Variants in RHCE observed in about 807,000 individuals in gnomAD.
RHCE encodes the protein Rh blood group CcEe antigens.
RHCE carries 22 observed loss-of-function variants against 43.8 expected under a neutral mutation model. The ratio of observed to expected loss-of-function variants is 0.50; its 90% CI spans 0.36 to 0.72. RHCE has a LOEUF of 0.72. RHCE is among the 30% of genes least tolerant of loss of function. The pLI is 0.00. For synonymous variants in RHCE, 156 were observed against 210.7 expected, an observed-to-expected ratio of 0.74 and a Z score of 2.25; for missense variants, 385 against 525.4, an observed-to-expected ratio of 0.73 and a Z score of 2.61.
intron 1 of RHCE, among the ~76,000 whole-genome samples, chr1:25,417,049 C>A (rs1571924869): frequency 1.3e-5 from 2 of 151,718 alleles, no homozygotes; most frequent in Non-Finnish European, 2.9e-5. Context: ...TTTCTATAAT[C>A]CTTCTCTACT....
chr1:25,410,398 T>G (rs1647035490), intron 1 of RHCE, among the ~76,000 whole-genome samples: 1 of 152,118 alleles, frequency 6.6e-6, no homozygotes, highest in South Asian at 2.1e-4. Context: ...ACTTTTTTAG[T>G]TTTAGTGTTT....
At chr1:25,386,303 T>C (rs1304943165) in intron 6 of RHCE, among the ~76,000 whole-genome samples, 1 of 152,158 alleles carries the variant, frequency 6.6e-6, no homozygotes, top group Non-Finnish European at 1.5e-5. Context: ...AGATGTCCCC[T>C]GGGGGGTGAC....
At chr1:25,386,578 T>C (rs1160394483) in intron 6 of RHCE, among the ~76,000 whole-genome samples, 1 of 152,172 alleles carries the variant, frequency 6.6e-6, no homozygotes, top group Non-Finnish European at 1.5e-5. Flanking sequence ...CCCAGCACTT[T>C]GGGAGGCCAA....
chr1:25,391,229 G>C (rs1197224864), intron 4 of RHCE, among the ~76,000 whole-genome samples: 2 of 151,940 alleles, frequency 1.3e-5, no homozygotes, highest in Non-Finnish European at 2.9e-5. Flanking sequence ...CTGTTGCCCA[G>C]GCTGGAGTGC....
upstream of RHCE, among the ~76,000 whole-genome samples, chr1:25,424,052 G>A (rs569921854): frequency 6.6e-6 from 1 of 152,146 alleles, no homozygotes; most frequent in South Asian, 2.1e-4. Context: ...CCACCACTCC[G>A]TCTTTCACTT....
chr1:25,399,047 A>G (rs1288051554), intron 3 of RHCE: 1 of 1,602,220 alleles, frequency 6.2e-7, no homozygotes. Flanking sequence ...GCCTTGGACA[A>G]GTTGTTACTG....
chr1:25,373,961 C>T (rs1233924363), intron 8 of RHCE, among the ~76,000 whole-genome samples: 3 of 151,176 alleles, frequency 2.0e-5, no homozygotes, highest in African/African-American at 2.5e-5. Context: ...GCTGGGACTA[C>T]AGGCACACAC....
chr1:25,389,321 G>A (rs572644174), intron 5 of RHCE, among the ~76,000 whole-genome samples: 13 of 152,096 alleles, frequency 8.5e-5, no homozygotes, highest in East Asian at 3.9e-4. Context: ...TTAGGCTCAG[G>A]GCACAGTTAC....
Position 25,369,478 on chromosome 1 carries a change from G to T in RHCE, c.1227+989C>A, listed in dbSNP as rs778230141. On this transcript the variant is annotated intron_variant, in intron 9 of 9. Transcript: ENST00000294413. Reference sequence around the variant, plus strand: ...GAGTGCTGCGTGAACTATGAGTGTAGGTCAAAGGGAGGAGAGTGGGAGGGG... The same window carrying T: ...GAGTGCTGCGTGAACTATGAGTGTATGTCAAAGGGAGGAGAGTGGGAGGGG... Among the ~76,000 whole-genome samples the T allele has an allele frequency of 8.6e-5, 13 of 151,614 alleles. 3 individuals are homozygous for T. Among genetic ancestry groups the T allele is most frequent in the African/African-American group, 3.2e-4 (13 of 40,984 alleles).
At chr1:25,404,286 A>C (rs1280215999) in intron 2 of RHCE, among the ~76,000 whole-genome samples, 3 of 150,170 alleles carry the variant, frequency 2.0e-5, no homozygotes, top group South Asian at 2.1e-4. Flanking sequence ...GGAAACAGTC[A>C]TGCCAGCTGA....
intron 1 of RHCE, among the ~76,000 whole-genome samples, chr1:25,414,165 A>AG (rs1647205794): frequency 6.6e-6 from 1 of 151,196 alleles, no homozygotes; most frequent in African/African-American, 2.4e-5. Context: ...GCTCTCCCCC[A>AG]GGCCTGTTGC....
intron 7 of RHCE, among the ~76,000 whole-genome samples, chr1:25,376,095 CCA>C (rs779068537): frequency 6.6e-6 from 1 of 151,912 alleles, no homozygotes; most frequent in Non-Finnish European, 1.5e-5. Context: ...CTGGCCAGCC[CCA>C]GTTTTCTCGT....
At chr1:25,420,567 G>A (rs1187865718) in intron 1 of RHCE, 72 bp downstream of exon 1, 7 of 1,613,572 alleles carry the variant, frequency 4.3e-6, no homozygotes, top group African/African-American at 1.3e-5. Context: ...TGTGCCCCTG[G>A]AGAACCATAG....
At chr1:25,373,090 C>A (rs1167366887) in intron 8 of RHCE, among the ~76,000 whole-genome samples, 1 of 151,552 alleles carries the variant, frequency 6.6e-6, no homozygotes, top group Non-Finnish European at 1.5e-5. Context: ...TATGAGCCAC[C>A]CAAGTTGTTT....
chr1:25,382,500 T>C (rs1028459288), intron 7 of RHCE, among the ~76,000 whole-genome samples: 1 of 149,312 alleles, frequency 6.7e-6, no homozygotes, highest in East Asian at 1.9e-4. Context: ...AACCCAAACC[T>C]GCTGACTGCC....
rs569919134 is a variant in RHCE, at chr1:25,385,127, C to T, written c.1073+584G>A. Reference sequence around the variant, plus strand: ...CCATTGCTGTCCACTGTCTAGGGGCCACAGGACCTACCTCTGGTCTGGAGG... The same window carrying T: ...CCATTGCTGTCCACTGTCTAGGGGCTACAGGACCTACCTCTGGTCTGGAGG... On this transcript the variant is annotated intron_variant, in intron 7 of 9. Transcript: ENST00000294413. 5.9e-5 allele frequency among the ~76,000 whole-genome samples: 9 copies of T among 152,308 alleles called. No homozygotes were observed. The South Asian group carries it at 1.9e-3, about 32-fold the overall frequency.
intron 3 of RHCE, among the ~76,000 whole-genome samples, chr1:25,394,037 G>A (rs1166621478): frequency 8.5e-5 from 13 of 152,248 alleles, no homozygotes; most frequent in East Asian, 1.9e-4. Context: ...TCGCCAGGCT[G>A]GAGTGCAGTG....
chr1:25,425,791 G>A (rs72660931), upstream of RHCE, among the ~76,000 whole-genome samples: 10,051 of 152,216 alleles, frequency 0.066, 472 homozygotes, highest in Non-Finnish European at 0.1. Context: ...CCTCCTACCT[G>A]AGTCAAGCTC....
chr1:25,413,702 G>A (rs552662084), intron 1 of RHCE, among the ~76,000 whole-genome samples: 2 of 151,924 alleles, frequency 1.3e-5, no homozygotes, highest in African/African-American at 4.8e-5. Flanking sequence ...TGTTCTACGT[G>A]CCTTACAGAC....
Sources: allele counts gnomAD v4.1 joint callset (sites outside exome capture counted in the v4.1 genomes callset), GRCh38; gene constraint gnomAD v4.1.1; transcripts MANE v1.5; gene names NCBI Gene and HGNC (gene_info 2026-07-23, HGNC 2026-07-21).